The following GABRA2 variants were observed in gnomAD, a reference collection of about 807,000 sequenced individuals.
GABRA2 encodes gamma-aminobutyric acid receptor subunit alpha-2.
Under a neutral mutation model 48.7 loss-of-function variants are expected in GABRA2, and 16 were observed. The observed-to-expected ratio is 0.33, with a 90% CI of 0.22 to 0.50. GABRA2 has a LOEUF of 0.50. Ranked by LOEUF, GABRA2 falls within the 20% of genes least tolerant of loss-of-function variation. GABRA2 has a pLI of 0.98. For synonymous variants in GABRA2, 185 were observed against 184.5 expected, an observed-to-expected ratio of 1.00 and a Z score of -0.02; for missense variants, 275 against 535.6, an observed-to-expected ratio of 0.51 and a Z score of 4.80.
At chr4:46,337,330 C>T (rs1185938064) in intron 3 of GABRA2, among the ~76,000 whole-genome samples, 1 of 151,996 alleles carries the variant, frequency 6.6e-6, no homozygotes, top group Non-Finnish European at 1.5e-5. Context: ...GGCAGGGAAA[C>T]TCCTTTGTGC....
rs141823470 is a variant in GABRA2 at position 46,317,328 on chromosome 4, A to G, written c.256-4612T>C. Among the ~76,000 whole-genome samples the G allele has an allele frequency of 1.4e-4, 22 of 152,002 alleles. No homozygotes were observed. In the East Asian group the frequency reaches 4.3e-3, roughly 29 times the overall value. ...AGCTTAGGACAGCGGCTTACAAAGT[A>G]AAGTGTGTGTATCCATTTGGGTGCA... is the stretch of plus-strand genomic sequence containing the variant. On this transcript the variant is annotated intron_variant, in intron 4 of 9. Transcript: ENST00000381620.
chr4:46,324,950 T>C (rs1479636231), intron 4 of GABRA2, among the ~76,000 whole-genome samples: 1 of 152,032 alleles, frequency 6.6e-6, no homozygotes, highest in Non-Finnish European at 1.5e-5. Flanking sequence ...GACCGCATTT[T>C]CTTTATGCAG....
intron 4 of GABRA2, among the ~76,000 whole-genome samples, chr4:46,322,986 T>C (rs1729713787): frequency 6.6e-6 from 1 of 151,816 alleles, no homozygotes; most frequent in African/African-American, 2.4e-5. Context: ...ATATAAATAG[T>C]TATATTTTAT....
Position 46,245,911 on chromosome 4 carries a change from C to A in GABRA2, c.*4397G>T, listed in dbSNP as rs1420630330. On this transcript the variant is annotated 3_prime_UTR_variant, in exon 10 of 10. Coordinates refer to ENST00000381620, the MANE Select transcript of GABRA2 (RefSeq NM_000807.4). ...TTATAAGTATTTCTTCATATATAAA[C>A]AAACAAAAATAGAATATTTCAACTT... Among the ~76,000 whole-genome samples, 1 of 150,590 alleles carries A rather than the reference C, an allele frequency of 6.6e-6. No individual in the cohort carries two copies. The highest frequency in any genetic ancestry group is 1.5e-5 in the Non-Finnish European group (1 of 67,350).
At chr4:46,378,346 T>C (rs993419029) in intron 3 of GABRA2, among the ~76,000 whole-genome samples, 2 of 152,026 alleles carry the variant, frequency 1.3e-5, no homozygotes, top group Non-Finnish European at 2.9e-5. Context: ...ATCCTGTTGA[T>C]CTGTGACCTT....
At chr4:46,296,045 T>G (rs1280358297) in intron 8 of GABRA2, among the ~76,000 whole-genome samples, 1 of 152,206 alleles carries the variant, frequency 6.6e-6, no homozygotes. Context: ...ATTGATAGAA[T>G]GGTGGAATGA....
At chr4:46,314,573 G>A (rs1331671393) in intron 4 of GABRA2, among the ~76,000 whole-genome samples, 4 of 151,886 alleles carry the variant, frequency 2.6e-5, no homozygotes, top group African/African-American at 9.7e-5. Context: ...CTGAAGTTTG[G>A]GATACTATCA....
At chr4:46,333,694 A>G (rs1443371120) in intron 3 of GABRA2, among the ~76,000 whole-genome samples, 1 of 152,106 alleles carries the variant, frequency 6.6e-6, no homozygotes, top group Non-Finnish European at 1.5e-5. Context: ...ACTACATACC[A>G]GGTACTCTTT....
chr4:46,358,656 T>C (rs749902213), intron 3 of GABRA2, among the ~76,000 whole-genome samples: 2 of 152,158 alleles, frequency 1.3e-5, no homozygotes, highest in Non-Finnish European at 2.9e-5. Flanking sequence ...AGTTCTTGTA[T>C]AGAAATGGTT....
intron 3 of GABRA2, among the ~76,000 whole-genome samples, chr4:46,334,271 T>C (rs1262157250): frequency 6.6e-6 from 1 of 152,104 alleles, no homozygotes; most frequent in Non-Finnish European, 1.5e-5. Context: ...TGGCCCTGTA[T>C]TTTTCATTTT....
intron 7 of GABRA2, 91 bp from the exon 8 acceptor site, chr4:46,303,703 AT>A: frequency 8.8e-7 from 1 of 1,135,760 alleles, no homozygotes; most frequent in Non-Finnish European, 1.3e-6. Context: ...ACAAAAACTG[AT>A]TTTTTAAAAA....
intron 8 of GABRA2, among the ~76,000 whole-genome samples, chr4:46,287,048 TA>T (rs1722682452): frequency 6.6e-6 from 1 of 152,154 alleles, no homozygotes; most frequent in Non-Finnish European, 1.5e-5. Flanking sequence ...GATTTATCCT[TA>T]TTTTTTTCCT....
chr4:46,318,290 G>T (rs892145464), intron 4 of GABRA2, among the ~76,000 whole-genome samples: 8 of 150,354 alleles, frequency 5.3e-5, no homozygotes, highest in South Asian at 2.1e-4. Flanking sequence ...GTTCACTTTG[G>T]TCCATATTTT....
At chr4:46,312,417 G>T in intron 5 of GABRA2, 79 bp downstream of exon 5, 1 of 893,226 alleles carries the variant, frequency 1.1e-6, no homozygotes, top group Non-Finnish European at 1.8e-6. Flanking sequence ...GTTAATACTT[G>T]ACAGCTAGAT....
rs76121589 is a variant in GABRA2, at chr4:46,316,573, C to A, written c.256-3857G>T. The stretch of plus-strand genomic sequence containing the variant: ...TAACAAGATATTTTTAAATTGAAAT[C>A]CTAAGTGGTGTGTAAATTTATATTC... On this transcript the variant is annotated intron_variant, in intron 4 of 9. Transcript: ENST00000381620. Among the ~76,000 whole-genome samples, 24 of 151,946 alleles carry A rather than the reference C, an allele frequency of 1.6e-4. No homozygotes were observed. The East Asian group carries it at 4.4e-3, about 28-fold the overall frequency.
intron 5 of GABRA2, among the ~76,000 whole-genome samples, chr4:46,310,684 C>G (rs896290478): frequency 6.6e-5 from 10 of 152,026 alleles, no homozygotes; most frequent in Non-Finnish European, 1.5e-4. Context: ...AGAGGAGCTC[C>G]CTTCAACATA....
chr4:46,254,272 CA>C (rs1715378189), intron 9 of GABRA2, among the ~76,000 whole-genome samples: 1 of 151,440 alleles, frequency 6.6e-6, no homozygotes, highest in African/African-American at 2.4e-5. Flanking sequence ...ATCCTTGGGC[CA>C]CATGACTGAT....
intron 8 of GABRA2, among the ~76,000 whole-genome samples, chr4:46,271,260 T>C (rs1414928167): frequency 1.3e-5 from 2 of 151,730 alleles, no homozygotes; most frequent in East Asian, 1.9e-4. Flanking sequence ...ATGTGTTGGG[T>C]TTCCCCCGCT....
At chr4:46,348,063 C>T (rs189390240) in intron 3 of GABRA2, among the ~76,000 whole-genome samples, 2,873 of 151,840 alleles carry the variant, frequency 0.019, 80 homozygotes, top group African/African-American at 0.065. Flanking sequence ...ACAATGAACC[C>T]AAACAAATTT....
Sources: gnomAD v4.1 joint callset for allele counts (sites outside exome capture counted in the v4.1 genomes callset) on GRCh38, gnomAD v4.1.1 for gene constraint, MANE v1.5 for transcripts, NCBI Gene and HGNC (gene_info 2026-07-23, HGNC 2026-07-21) for gene names.